The following OPCML variants were observed in gnomAD, a reference collection of about 807,000 sequenced individuals.
OPCML encodes opioid binding protein/cell adhesion molecule like.
A neutral mutation model predicts 37.8 loss-of-function variants in OPCML; 13 were observed. The ratio of observed to expected loss-of-function variants is 0.34; its 90% CI spans 0.22 to 0.55. The LOEUF (loss-of-function observed/expected upper bound fraction) is 0.55. Ranked by LOEUF, OPCML falls within the 20% of genes least tolerant of loss-of-function variation. The pLI is 0.91. For missense variants in OPCML, 341 were observed against 435.6 expected (o/e 0.78, Z 1.93); for synonymous variants, 176 against 168.8 (o/e 1.04, Z -0.33).
chr11:133,367,433 G>T (rs1237695005), intron 1 of OPCML, among the ~76,000 whole-genome samples: 3 of 152,218 alleles, frequency 2.0e-5, no homozygotes, highest in Non-Finnish European at 2.9e-5. Context: ...TAAATGGAAT[G>T]GAAAAATGGT....
intron 4 of OPCML, among the ~76,000 whole-genome samples, chr11:132,471,997 A>G (rs1159602115): frequency 6.6e-6 from 1 of 152,214 alleles, no homozygotes; most frequent in Non-Finnish European, 1.5e-5. Flanking sequence ...TCATGAAGGC[A>G]AAACTCATTT....
intron 2 of OPCML, among the ~76,000 whole-genome samples, chr11:132,795,833 T>C (rs1171662683): frequency 3.9e-5 from 6 of 152,250 alleles, no homozygotes; most frequent in Non-Finnish European, 7.3e-5. Flanking sequence ...TGAACTGACT[T>C]AGCCCAGGTC....
intron 1 of OPCML, among the ~76,000 whole-genome samples, chr11:132,993,472 G>A (rs1221008108): frequency 2.6e-5 from 4 of 152,104 alleles, no homozygotes; most frequent in Non-Finnish European, 5.9e-5. Flanking sequence ...ACATCCCCCT[G>A]GATTTGCTAA....
At chr11:132,803,555 G>A (rs1419223574) in intron 2 of OPCML, among the ~76,000 whole-genome samples, 1 of 152,156 alleles carries the variant, frequency 6.6e-6, no homozygotes, top group Admixed American at 6.5e-5. Flanking sequence ...TGGTGGGAGG[G>A]AACCAGAGGC....
chr11:132,761,451 C>T (rs549836966), intron 2 of OPCML, among the ~76,000 whole-genome samples: 16 of 152,060 alleles, frequency 1.1e-4, no homozygotes, highest in African/African-American at 1.4e-4. Flanking sequence ...ACCTATCAAA[C>T]GTAGGTTTAC....
intron 1 of OPCML, among the ~76,000 whole-genome samples, chr11:133,030,434 C>A (rs1028067693): frequency 2.0e-5 from 3 of 152,186 alleles, no homozygotes; most frequent in Non-Finnish European, 4.4e-5. Context: ...CACTCCTTGT[C>A]TCTCTCCTGA....
At chr11:132,823,144 C>G (rs940810490) in intron 2 of OPCML, among the ~76,000 whole-genome samples, 2 of 152,182 alleles carry the variant, frequency 1.3e-5, no homozygotes, top group African/African-American at 4.8e-5. Flanking sequence ...GTCTACCTGG[C>G]CATCCTGCTA....
chr11:132,425,259 AACAG>A (rs1336136836), intron 7 of OPCML, among the ~76,000 whole-genome samples: 2 of 150,610 alleles, frequency 1.3e-5, no homozygotes, highest in African/African-American at 5.0e-5. Context: ...TAAACAAATA[AACAG>A]ACAAATATTT....
chr11:132,975,107 T>C (rs1946428491), intron 1 of OPCML, among the ~76,000 whole-genome samples: 1 of 151,858 alleles, frequency 6.6e-6, no homozygotes, highest in Admixed American at 6.6e-5. Flanking sequence ...GATGCCACTA[T>C]AGGTGCTGAT....
intron 1 of OPCML, among the ~76,000 whole-genome samples, chr11:133,108,650 T>A (rs1051212153): frequency 9.9e-5 from 15 of 152,132 alleles, no homozygotes; most frequent in African/African-American, 3.6e-4. Flanking sequence ...CTAACCATTG[T>A]CTGGCTCTTC....
intron 2 of OPCML, among the ~76,000 whole-genome samples, chr11:132,661,442 C>T (rs1304689865): frequency 6.6e-6 from 1 of 152,152 alleles, no homozygotes; most frequent in Non-Finnish European, 1.5e-5. Context: ...AGGACTCTTC[C>T]ATAGTCCCCT....
intron 1 of OPCML, among the ~76,000 whole-genome samples, chr11:133,182,758 C>T (rs535956011): frequency 1.6e-4 from 25 of 152,230 alleles, no homozygotes; most frequent in African/African-American, 2.9e-4. Flanking sequence ...GGATGAGTTT[C>T]GCAAGGCTTC....
chr11:133,301,723 T>G lies in OPCML; in HGVS notation c.61+230541A>C, dbSNP rs1942783410. Reference sequence around the variant, plus strand: ...TGTACCTGGACTCCTTCAGAGTAAATGTCTGCTTGTTTGTTCATATTTATG... The same window carrying G: ...TGTACCTGGACTCCTTCAGAGTAAAGGTCTGCTTGTTTGTTCATATTTATG... On this transcript the variant is annotated intron_variant, in intron 1 of 7. Transcript: ENST00000524381. The G allele has an allele frequency of 2.6e-5, 4 of 152,298 alleles. No individual in the cohort carries two copies. In the South Asian group the frequency reaches 8.3e-4, roughly 32 times the overall value. The allele number at this position is 152,298 out of a possible 1,614,324, so 9.4% of individuals were successfully genotyped here. A position where few individuals can be genotyped will look rare whatever the true frequency, so the allele number is the denominator to read the frequency against.
At chr11:132,449,763 G>A (rs1032765527) in intron 4 of OPCML, among the ~76,000 whole-genome samples, 1 of 152,164 alleles carries the variant, frequency 6.6e-6, no homozygotes, top group Non-Finnish European at 1.5e-5. Flanking sequence ...CCCTGAGCAG[G>A]CCACTTTACT....
intron 4 of OPCML, among the ~76,000 whole-genome samples, chr11:132,451,102 G>A (rs964678564): frequency 2.6e-5 from 4 of 152,122 alleles, no homozygotes; most frequent in Admixed American, 6.5e-5. Flanking sequence ...CTTGAGCTTA[G>A]CAAATCAGAA....
At chr11:133,209,893 C>T (rs1047600366) in intron 1 of OPCML, among the ~76,000 whole-genome samples, 6 of 152,172 alleles carry the variant, frequency 3.9e-5, no homozygotes, top group African/African-American at 1.4e-4. Flanking sequence ...AAATAACTTC[C>T]ATAATGAACA....
chr11:132,848,049 C>G (rs180938134), intron 2 of OPCML, among the ~76,000 whole-genome samples: 6 of 152,140 alleles, frequency 3.9e-5, no homozygotes, highest in African/African-American at 1.4e-4. Context: ...AAGTCCCTAT[C>G]GTATTGAGAA....
In OPCML at chr11:133,319,479, G is replaced by A. The variant is rs544019524; in HGVS notation, c.61+212785C>T. ...TTCTCAGAATGGTTTGGGATTTGTT[G>A]CGCTTAGTGGCAACGCTTCTGTGAT... On this transcript the variant is annotated intron_variant, in intron 1 of 7. Coordinates refer to ENST00000524381, the MANE Select transcript of OPCML (RefSeq NM_001012393.5). 3.7e-4 allele frequency among the ~76,000 whole-genome samples: 57 copies of A among 152,222 alleles called. 2 individuals carry two copies. The highest frequency in any genetic ancestry group is 1.3e-3 in the African/African-American group (55 of 41,532).
At chr11:133,094,803 A>C (rs1260476164) in intron 1 of OPCML, among the ~76,000 whole-genome samples, 1 of 152,148 alleles carries the variant, frequency 6.6e-6, no homozygotes, top group Non-Finnish European at 1.5e-5. Context: ...GTTTGCAATA[A>C]CTGAGTCTTG....
Sources: gnomAD v4.1 joint callset for allele counts (sites outside exome capture counted in the v4.1 genomes callset) on GRCh38, gnomAD v4.1.1 for gene constraint, MANE v1.5 for transcripts, NCBI Gene and HGNC (gene_info 2026-07-23, HGNC 2026-07-21) for gene names.